Variants in PDGFRA observed in about 807,000 individuals in gnomAD.
PDGFRA encodes platelet-derived growth factor receptor alpha.
Under a neutral mutation model 121.5 loss-of-function variants are expected in PDGFRA, and 25 were observed. That is an observed-to-expected ratio of 0.21 (90% CI 0.15 to 0.29). The LOEUF is 0.29. Ranked by LOEUF, PDGFRA falls within the 10% of genes least tolerant of loss-of-function variation. The pLI, the probability that PDGFRA is intolerant of heterozygous loss-of-function variation, is 1.00. For synonymous variants in PDGFRA, 463 were observed against 494.8 expected, an observed-to-expected ratio of 0.94 and a Z score of 0.85; for missense variants, 1,008 against 1,345.1, an observed-to-expected ratio of 0.75 and a Z score of 3.92.
At chr4:54,280,604 A>G in intron 16 of PDGFRA, 122 bp downstream of exon 16, 1 of 766,942 alleles carries the variant, frequency 1.3e-6, no homozygotes. Flanking sequence ...CGTGGTCTCT[A>G]AATGCAGGTC....
At chr4:54,262,719 T>G (rs756461919) in intron 3 of PDGFRA, among the ~76,000 whole-genome samples, 10 of 152,194 alleles carry the variant, frequency 6.6e-5, no homozygotes, top group Non-Finnish European at 1.3e-4. Context: ...GGAAGGTATT[T>G]AGAATGTCAC....
At chr4:54,260,950 G>T in intron 2 of PDGFRA, 145 bp from the exon 3 acceptor site, 1 of 683,260 alleles carries the variant, frequency 1.5e-6, no homozygotes, top group South Asian at 1.8e-5. Context: ...TATAATGGGG[G>T]AGCTTTCATG....
At chr4:54,286,029 T>C (rs1724345400) in intron 18 of PDGFRA, 66 bp downstream of exon 18, 1 of 1,532,842 alleles carries the variant, frequency 6.5e-7, no homozygotes, top group Non-Finnish European at 9.0e-7. Flanking sequence ...AAGTCAGGTG[T>C]TGCTTCTAGA....
chr4:54,278,191 C>T (rs754750605), intron 14 of PDGFRA, 171 bp from the exon 15 acceptor site: 3 of 695,228 alleles, frequency 4.3e-6, no homozygotes, highest in Admixed American at 2.6e-5. Context: ...AATCTGTTGC[C>T]AGTCCAGTCA....
chr4:54,255,506 C>CTTT (rs375357866), intron 1 of PDGFRA, among the ~76,000 whole-genome samples: 3 of 138,116 alleles, frequency 2.2e-5, no homozygotes, highest in African/African-American at 2.7e-5. Flanking sequence ...TCTCCCCTTT[C>CTTT]TTTTTTTTTT....
chr4:54,275,109 A>G, intron 12 of PDGFRA, 136 bp downstream of exon 12: 1 of 887,808 alleles, frequency 1.1e-6, no homozygotes, highest in Non-Finnish European at 1.8e-6. Context: ...TTTCAGAAAT[A>G]CATTTCTGTC....
chr4:54,259,156 G>A (rs1722545459), intron 2 of PDGFRA, among the ~76,000 whole-genome samples: 1 of 147,032 alleles, frequency 6.8e-6, no homozygotes, highest in African/African-American at 2.7e-5. Context: ...ATAAATTCAG[G>A]AATGGTCAGC....
chr4:54,273,800 C>A, intron 10 of PDGFRA, 70 bp downstream of exon 10: 2 of 1,280,334 alleles, frequency 1.6e-6, no homozygotes, highest in Non-Finnish European at 2.3e-6. Context: ...CTTTGAATCC[C>A]AGATAGGGGT....
At position 54,290,373 on chromosome 4, in the gene PDGFRA, C is replaced by G. The variant is rs775205485; in HGVS notation, c.2941C>G (p.Arg981Gly). ...KSDHPAVARM[R>G]VDSDNAYIGV... Reference sequence around the variant, plus strand: ...TGACCATCCTGCTGTGGCACGCATGCGTGTGGACTCAGACAATGCATACAT... The same window carrying G: ...TGACCATCCTGCTGTGGCACGCATGGGTGTGGACTCAGACAATGCATACAT... The change falls in exon 22 of 23, where the codon CGT (arginine) becomes GGT (glycine). Residue 981 changes from arginine to glycine, a missense_variant. By Grantham distance (125) the Arg-to-Gly change is moderately radical. Around this residue, in one of 5 missense-constraint regions of PDGFRA, gnomAD observed 204 missense variants for 243.0 expected, o/e 0.84. Coordinates refer to ENST00000257290, the MANE Select transcript of PDGFRA (RefSeq NM_006206.6). 6.2e-7 allele frequency: 1 copy of G among 1,611,966 alleles called. No individual in the cohort carries two copies. The highest frequency in any genetic ancestry group is 2.2e-5 in the East Asian group (1 of 44,874).
intron 1 of PDGFRA, among the ~76,000 whole-genome samples, chr4:54,237,371 G>A (rs1357709592): frequency 2.0e-5 from 3 of 152,190 alleles, no homozygotes; most frequent in Non-Finnish European, 1.5e-5. Flanking sequence ...CCAGGGCAAA[G>A]CACTGCTTAG....
At chr4:54,272,329 C>G in intron 8 of PDGFRA, 65 bp from the exon 9 acceptor site, 1 of 1,582,698 alleles carries the variant, frequency 6.3e-7, no homozygotes, top group Non-Finnish European at 8.7e-7. Flanking sequence ...TCATATTCCA[C>G]TTTGTAGTCT....
In PDGFRA at chr4:54,289,064, T is replaced by C; in HGVS notation, c.2830T>C (p.Tyr944His). Reference protein sequence around the residue: ...NSEPEKRPSFYHLSEIVENLL... With the variant: ...NSEPEKRPSFHHLSEIVENLL... ...TGAGCCGGAGAAGAGACCCTCCTTT[T>C]ACCACCTGAGTGAGATTGTGGAGAA... Residue 944 changes from tyrosine to histidine, a missense_variant, in exon 21 of 23, where the codon TAC becomes CAC. Physicochemically the swap from Tyr to His is moderately conservative, Grantham distance 83. Transcript: ENST00000257290. 2 of 1,611,554 alleles carry C rather than the reference T, an allele frequency of 1.2e-6. No homozygotes were observed. The highest frequency in any genetic ancestry group is 1.7e-6 in the Non-Finnish European group (2 of 1,177,712).
At chr4:54,261,920 TATATATATA>T (rs1722750435) in intron 3 of PDGFRA, among the ~76,000 whole-genome samples, 2 of 69,506 alleles carry the variant, frequency 2.9e-5, no homozygotes, top group Admixed American at 1.8e-4. Flanking sequence ...TATATATATA[TATATATATA>T]TATTTTTTTT....
intron 13 of PDGFRA, 98 bp from the exon 14 acceptor site, chr4:54,277,798 G>T: frequency 2.5e-6 from 2 of 801,598 alleles, no homozygotes; most frequent in Non-Finnish European, 2.2e-6. Flanking sequence ...TAAATAGAAT[G>T]ATATCCAATC....
Position 54,277,094 on chromosome 4 carries a change from G to A in PDGFRA, c.1787-294G>A, listed in dbSNP as rs546834457. 8.5e-5 allele frequency: 39 copies of A among 456,440 alleles called. 1 individual carries two copies. Among genetic ancestry groups the A allele is most frequent in the Middle Eastern group, 6.2e-4 (1 of 1,610 alleles). 28.3% of individuals were successfully genotyped at this position (456,440 alleles called of 1,614,324 possible). A position where few individuals can be genotyped will look rare whatever the true frequency, so the allele number is the denominator to read the frequency against. On this transcript the variant is annotated intron_variant, in intron 12 of 22. Coordinates refer to ENST00000257290, the MANE Select transcript of PDGFRA (RefSeq NM_006206.6). Reference sequence around the variant, plus strand: ...GAAGGCAAGAGGATCCCAGGGGCTGGCCCAGCACGGAGCTGGTAGACAGCG... The same window carrying A: ...GAAGGCAAGAGGATCCCAGGGGCTGACCCAGCACGGAGCTGGTAGACAGCG...
intron 7 of PDGFRA, 83 bp downstream of exon 7, chr4:54,267,824 G>T (rs553625771): frequency 2.2e-5 from 24 of 1,080,766 alleles, no homozygotes; most frequent in Non-Finnish European, 3.1e-5. Flanking sequence ...TTACAACCCA[G>T]ACCCAAAGTC....
chr4:54,240,086 C>A, intron 1 of PDGFRA: 1 of 408,502 alleles, frequency 2.4e-6, no homozygotes, highest in South Asian at 1.7e-5. Context: ...CTCCTGGGCT[C>A]AAATGATCTG....
intron 1 of PDGFRA, among the ~76,000 whole-genome samples, chr4:54,249,883 GTTTTCTAGAGCACTGATCTACTC>G (rs1721953504): frequency 6.6e-6 from 1 of 152,094 alleles, no homozygotes; most frequent in African/African-American, 2.4e-5. Context: ...GCACAACAGA[GTTTTCTAGAGCACTGATCTACTC>G]TGTAACAGAA....
chr4:54,285,785 A>G (rs1724324660), intron 17 of PDGFRA, 56 bp from the exon 18 acceptor site: 1 of 1,498,208 alleles, frequency 6.7e-7, no homozygotes, highest in South Asian at 1.1e-5. Context: ...TGCAGGGGTG[A>G]TGCTATTCAG....
Sources: gnomAD v4.1 joint callset for allele counts (sites outside exome capture counted in the v4.1 genomes callset) on GRCh38, gnomAD v4.1.1 for gene constraint, gnomAD v4.1.1 regional missense constraint, MANE v1.5 for transcripts, NCBI Gene and HGNC (gene_info 2026-07-23, HGNC 2026-07-21) for gene names.